The following NIBAN1 variants were observed in gnomAD, a reference collection of about 807,000 sequenced individuals.
The protein encoded by NIBAN1 is niban apoptosis regulator 1.
NIBAN1 carries 81 observed loss-of-function variants against 75.1 expected under a neutral mutation model. The ratio of observed to expected loss-of-function variants is 1.08; its 90% CI spans 0.90 to 1.30. The LOEUF is 1.30. NIBAN1 is among the 50% of genes most tolerant of loss of function. The pLI is 0.00. For synonymous variants in NIBAN1, 436 were observed against 424.8 expected, an observed-to-expected ratio of 1.03 and a Z score of -0.32; for missense variants, 1,133 against 1,128.1, an observed-to-expected ratio of 1.00 and a Z score of -0.06.
intron 1 of NIBAN1, among the ~76,000 whole-genome samples, chr1:184,949,158 C>T (rs234090): frequency 0.077 from 11,683 of 152,056 alleles, 552 homozygotes; most frequent in African/African-American, 0.13. Flanking sequence ...TAGAGACCAT[C>T]CTGGCTAACA....
intron 1 of NIBAN1, among the ~76,000 whole-genome samples, chr1:184,904,944 CA>C (rs577289199): frequency 2.6e-4 from 37 of 142,502 alleles, no homozygotes; most frequent in African/African-American, 4.1e-4. Context: ...AGATCTGTCT[CA>C]AAAAAAAAAA....
intron 1 of NIBAN1, among the ~76,000 whole-genome samples, chr1:184,952,955 A>G (rs1445341024): frequency 1.3e-5 from 2 of 152,210 alleles, no homozygotes; most frequent in Admixed American, 1.3e-4. Flanking sequence ...ATTATAGAAA[A>G]TATATAGAAA....
chr1:184,863,235 C>T (rs1343491731), intron 5 of NIBAN1, among the ~76,000 whole-genome samples: 1 of 152,158 alleles, frequency 6.6e-6, no homozygotes, highest in Non-Finnish European at 1.5e-5. Context: ...TCTTATCTTC[C>T]TCTGGAACTA....
Position 184,795,373 on chromosome 1 carries a change from C to A in NIBAN1, c.2391G>T (p.Pro797=), listed in dbSNP as rs201130852. The A allele has an allele frequency of 1.6e-5, 26 of 1,597,896 alleles. 1 individual carries two copies. The African/African-American group carries it at 1.7e-4, about 11-fold the overall frequency. Reference sequence around the variant, plus strand: ...CCTCGGTGAGCCCTCCACTGGCTGGCGGAGAGGCTGGGCTGCCTACCTCTG... The same window carrying A: ...CCTCGGTGAGCCCTCCACTGGCTGGAGGAGAGGCTGGGCTGCCTACCTCTG... ...GFPEVGSPAS[P]PASGGLTEEP... The change falls in exon 14 of 14, where the codon CCG becomes CCT. Residue 797 remains proline (P), a synonymous_variant. Transcript: ENST00000367511.
At chr1:184,875,538 A>G (rs1243429569) in intron 5 of NIBAN1, among the ~76,000 whole-genome samples, 1 of 152,228 alleles carries the variant, frequency 6.6e-6, no homozygotes. Flanking sequence ...TAAGTGATCC[A>G]AGAGAAAGTC....
intron 5 of NIBAN1, among the ~76,000 whole-genome samples, chr1:184,832,441 GATA>G (rs1655024566): frequency 6.6e-6 from 1 of 152,174 alleles, no homozygotes; most frequent in South Asian, 2.1e-4. Flanking sequence ...TGCAAATGAA[GATA>G]ATAATTGCTA....
chr1:184,880,863 G>A (rs1293420233), intron 5 of NIBAN1, among the ~76,000 whole-genome samples: 1 of 152,194 alleles, frequency 6.6e-6, no homozygotes, highest in Non-Finnish European at 1.5e-5. Flanking sequence ...CAGACATTCA[G>A]AACCACAGCC....
At chr1:184,969,660 C>T (rs1658884551) in intron 1 of NIBAN1, among the ~76,000 whole-genome samples, 1 of 151,500 alleles carries the variant, frequency 6.6e-6, no homozygotes, top group Admixed American at 6.6e-5. Context: ...GCTAGTGTCT[C>T]TGAAACAGAG....
intron 5 of NIBAN1, among the ~76,000 whole-genome samples, chr1:184,867,010 T>C (rs1202742302): frequency 1.3e-5 from 2 of 152,198 alleles, no homozygotes; most frequent in Non-Finnish European, 2.9e-5. Context: ...AACCAATTCA[T>C]TTTAAAGTCA....
intron 5 of NIBAN1, among the ~76,000 whole-genome samples, chr1:184,862,010 A>G (rs980550182): frequency 6.6e-6 from 1 of 152,218 alleles, no homozygotes; most frequent in African/African-American, 2.4e-5. Context: ...TTTTCTCCAC[A>G]GGTTCAAGGG....
chr1:184,867,195 A>AACAC (rs149204316), intron 5 of NIBAN1, among the ~76,000 whole-genome samples: 2 of 148,052 alleles, frequency 1.4e-5, no homozygotes, highest in East Asian at 2.0e-4. Flanking sequence ...CCTACACACA[A>AACAC]ACACACACAC....
At position 184,917,413 on chromosome 1, in the gene NIBAN1, C is replaced by T. The variant is rs192675675; in HGVS notation, c.56-18104G>A. Among the ~76,000 whole-genome samples the T allele has an allele frequency of 8.6e-3, 1,216 of 141,654 alleles. 21 individuals are homozygous for T. The highest frequency in any genetic ancestry group is 0.029 in the African/African-American group (1,104 of 37,574). The allele number at this position is 141,654 out of a possible 152,430, so 92.9% of individuals were successfully genotyped here. On this transcript the variant is annotated intron_variant, in intron 1 of 13. Coordinates refer to ENST00000367511, the MANE Select transcript of NIBAN1 (RefSeq NM_052966.4). ...TTTTTTAGTAGAGACGGGGTTTCACCATGTTAGCCAGGAAGGTCTTGATCT... is the reference window on the plus strand; with the variant it reads ...TTTTTTAGTAGAGACGGGGTTTCACTATGTTAGCCAGGAAGGTCTTGATCT...
chr1:184,822,634 T>C (rs940739980), intron 8 of NIBAN1, among the ~76,000 whole-genome samples: 6 of 152,182 alleles, frequency 3.9e-5, no homozygotes, highest in Non-Finnish European at 7.3e-5. Flanking sequence ...CTGCCTAATA[T>C]TGGAGTTGGG....
intron 5 of NIBAN1, among the ~76,000 whole-genome samples, chr1:184,864,257 C>T (rs572415268): frequency 3.3e-5 from 5 of 152,272 alleles, no homozygotes; most frequent in South Asian, 2.1e-4. Flanking sequence ...GCTTGGCACA[C>T]GGTAAGTGCT....
intron 2 of NIBAN1, among the ~76,000 whole-genome samples, chr1:184,898,951 A>G (rs1469877431): frequency 1.3e-5 from 2 of 152,256 alleles, no homozygotes; most frequent in African/African-American, 4.8e-5. Context: ...TGGGAAAAAT[A>G]CATAACAATA....
At chr1:184,950,260 G>A (rs1381975765) in intron 1 of NIBAN1, among the ~76,000 whole-genome samples, 1 of 152,170 alleles carries the variant, frequency 6.6e-6, no homozygotes, top group Admixed American at 6.5e-5. Flanking sequence ...GAGCCTGTTA[G>A]TGAGAAGGTG....
intron 1 of NIBAN1, among the ~76,000 whole-genome samples, chr1:184,961,922 A>G (rs886735648): frequency 1.3e-5 from 2 of 152,220 alleles, no homozygotes; most frequent in Non-Finnish European, 2.9e-5. Flanking sequence ...TTTCAAGCAT[A>G]AGAGACCTGG....
chr1:184,913,371 C>A (rs1657300401), intron 1 of NIBAN1, among the ~76,000 whole-genome samples: 1 of 151,938 alleles, frequency 6.6e-6, no homozygotes, highest in Admixed American at 6.6e-5. Flanking sequence ...ACTTTTGTGT[C>A]TTTGCCAATG....
intron 5 of NIBAN1, among the ~76,000 whole-genome samples, chr1:184,838,812 G>A (rs191610686): frequency 6.6e-6 from 1 of 152,336 alleles, no homozygotes; most frequent in Admixed American, 6.5e-5. Flanking sequence ...GGGTTTGGAA[G>A]CTGCCTTGTT....
Sources: gnomAD v4.1 joint callset for allele counts (sites outside exome capture counted in the v4.1 genomes callset) on GRCh38, gnomAD v4.1.1 for gene constraint, MANE v1.5 for transcripts, NCBI Gene and HGNC (gene_info 2026-07-23, HGNC 2026-07-21) for gene names.